SH2D6: variants seen among roughly 807,000 people sequenced by gnomAD.
SH2D6 encodes the protein SH2 domain containing 6.
SH2D6 carries 31 observed loss-of-function variants against 30.2 expected under a neutral mutation model. The ratio of observed to expected loss-of-function variants is 1.03; its 90% CI spans 0.77 to 1.38. The LOEUF (loss-of-function observed/expected upper bound fraction) is 1.38, where lower values mean the gene tolerates loss of function less well. Among genes scored for constraint, SH2D6 ranks in the 40% most tolerant of loss-of-function variants. SH2D6 has a pLI of 0.00. For synonymous variants in SH2D6, 93 were observed against 104.6 expected (o/e 0.89, Z 0.68); for missense variants, 240 against 266.8 (o/e 0.90, Z 0.70).
At chr2:85,419,777 C>T (rs1249465533) in intron 2 of SH2D6, among the ~76,000 whole-genome samples, 2 of 152,200 alleles carry the variant, frequency 1.3e-5, no homozygotes, top group Non-Finnish European at 2.9e-5. Flanking sequence ...TAGTTCGAGG[C>T]GAGCTACTTC....
At chr2:85,423,972 G>A (rs1466213125) in intron 5 of SH2D6, among the ~76,000 whole-genome samples, 1 of 152,222 alleles carries the variant, frequency 6.6e-6, no homozygotes, top group Non-Finnish European at 1.5e-5. Flanking sequence ...AATGTCCTGA[G>A]GACTCAAGGC....
intron 20 of SH2D6, 119 bp downstream of exon 20, chr2:85,435,242 C>T (rs1045136312): frequency 5.5e-5 from 69 of 1,261,678 alleles, no homozygotes; most frequent in East Asian, 7.2e-5. Flanking sequence ...ATTGAACACA[C>T]GTGTGCGGCA....
chr2:85,434,885 G>T (rs1261045807), intron 19 of SH2D6, 180 bp from the exon 20 acceptor site: 2 of 1,562,722 alleles, frequency 1.3e-6, no homozygotes, highest in Non-Finnish European at 1.7e-6. Flanking sequence ...GGCCTGGCTG[G>T]TGGGTCCTGC....
intron 15 of SH2D6, 53 bp from the exon 16 acceptor site, chr2:85,433,518 G>A (rs1401796789): frequency 2.1e-6 from 2 of 935,562 alleles, no homozygotes; most frequent in Non-Finnish European, 2.6e-6. Context: ...AGTCCTAAAT[G>A]GAGCCTCAGG....
chr2:85,434,356 C>T lies in SH2D6; in HGVS notation c.550C>T (p.Gln184Ter). 1 of 1,549,032 alleles carries T rather than the reference C, an allele frequency of 6.5e-7. No homozygotes were observed. Among genetic ancestry groups the T allele is most frequent in the Non-Finnish European group, 8.7e-7 (1 of 1,145,802 alleles). Residue 184 changes from glutamine to a stop codon, truncating the protein, a stop_gained, in exon 18 of 24, where the codon CAG (glutamine) becomes TAG (stop). Coordinates refer to ENST00000469800, the MANE Select transcript of SH2D6 (RefSeq NM_001394463.1). LOFTEE classifies it high-confidence loss of function. ...SVVPRPTTAP[Q>*]ETRNGTADAA... ...TTCCCACAGGCCTACCACAGCCCCC[C>T]AGGAAACTCGGAATGTAAGAGGCTG...
chr2:85,432,022 G>A (rs1688723540), intron 14 of SH2D6, 63 bp downstream of exon 14: 1 of 152,638 alleles, frequency 6.6e-6, no homozygotes, highest in South Asian at 2.1e-4. Flanking sequence ...CCCGCCACGG[G>A]GTAGAGCTGT....
Position 85,426,989 on chromosome 2 carries a change from G to A in SH2D6, c.-209+1582G>A, listed in dbSNP as rs1030180947. Among the ~76,000 whole-genome samples, 32 of 152,214 alleles carry A rather than the reference G, an allele frequency of 2.1e-4. 1 individual carries two copies. Among genetic ancestry groups the A allele is most frequent in the African/African-American group, 7.0e-4 (29 of 41,452 alleles). ...CCGCTGCAGAACTGATTGCTCACTGGGTGGTGGGGAGAACTGCCCACCCCG... is the reference window on the plus strand; with the variant it reads ...CCGCTGCAGAACTGATTGCTCACTGAGTGGTGGGGAGAACTGCCCACCCCG... On this transcript the variant is annotated intron_variant, in intron 6 of 23. Coordinates refer to ENST00000469800, the MANE Select transcript of SH2D6 (RefSeq NM_001394463.1).
chr2:85,434,150 G>T (rs1283214366), intron 17 of SH2D6, 39 bp downstream of exon 17: 2 of 1,540,800 alleles, frequency 1.3e-6, no homozygotes, highest in East Asian at 4.9e-5. Context: ...GTGTATGTAT[G>T]TGAGACACAG....
Position 85,434,473 on chromosome 2 carries a change from G to A in SH2D6, c.565G>A (p.Gly189Arg). ...PTTAPQETRN[G>R]TADAASKEGR... ...TCTGATCAGACCTCCTGTATGCCAG[G>A]GAACAGCAGATGCTGCCTCTAAAGG... The change falls in exon 19 of 24, where the codon GGA becomes AGA. Residue 189 changes from glycine (G) to arginine (R), a missense_variant and splice_region_variant. By Grantham distance (125) the Gly-to-Arg change is moderately radical (BLOSUM62 -2). Coordinates refer to ENST00000469800, the MANE Select transcript of SH2D6 (RefSeq NM_001394463.1). 2 of 1,550,496 alleles carry A rather than the reference G, an allele frequency of 1.3e-6. No homozygotes were observed. Among genetic ancestry groups the A allele is most frequent in the Non-Finnish European group, 1.7e-6 (2 of 1,146,986 alleles).
rs767115995 is a variant in SH2D6, at chr2:85,436,612, C to T, written c.*12+18C>T. On this transcript the variant is annotated intron_variant, in intron 23 of 23. Transcript: ENST00000469800. The stretch of plus-strand genomic sequence containing the variant: ...ACAGCGAAGTACACACCGCCTTTGG[C>T]CCCAGTTTGCTTCTTGTCCCGCCCC... 6.3e-7 allele frequency: 1 copy of T among 1,588,580 alleles called. No individual in the cohort carries two copies. Among genetic ancestry groups the T allele is most frequent in the East Asian group, 2.2e-5 (1 of 44,704 alleles).
chr2:85,431,068 A>T (rs1688567411), intron 12 of SH2D6, 142 bp from the exon 13 acceptor site: 1 of 152,366 alleles, frequency 6.6e-6, no homozygotes, highest in South Asian at 2.1e-4. Context: ...GTTGCCATGG[A>T]GACTGGGCTG....
chr2:85,434,253 G>A, intron 17 of SH2D6, 87 bp from the exon 18 acceptor site: 1 of 1,513,282 alleles, frequency 6.6e-7, no homozygotes, highest in African/African-American at 1.4e-5. Context: ...GTGGTGGCAG[G>A]GGCAGCTTGG....
rs1459973727 is a variant in SH2D6 at position 85,430,992 on chromosome 2, G to A, written c.251-218G>A. Among the ~76,000 whole-genome samples the A allele has an allele frequency of 4.6e-5, 7 of 151,242 alleles. No homozygotes were observed. The highest frequency in any genetic ancestry group is 2.1e-4 in the South Asian group (1 of 4,718). ...GGGTGCTGGGAGAGCCCCGGCTGCC[G>A]CTGGCATCCCACCCCCACTGCTCAG... On this transcript the variant is annotated intron_variant, in intron 12 of 23. Coordinates refer to ENST00000469800, the MANE Select transcript of SH2D6 (RefSeq NM_001394463.1). The surrounding 1 kb of genome is among the most constrained non-coding windows in gnomAD (Gnocchi z 4.3).
rs1295132542 is a variant in SH2D6 at position 85,434,376 on chromosome 2, A to C, written c.564+6A>C. 1.3e-6 allele frequency: 2 copies of C among 1,550,066 alleles called. No homozygotes were observed. Among genetic ancestry groups the C allele is most frequent in the Middle Eastern group, 1.7e-4 (1 of 5,990 alleles). On this transcript the variant is annotated splice_donor_region_variant and intron_variant, in intron 18 of 23. Transcript: ENST00000469800. ...CCCCCCAGGAAACTCGGAATGTAAG[A>C]GGCTGATGGTCAGGGGAGAAGAGAG...
intron 23 of SH2D6, 111 bp downstream of exon 23, chr2:85,436,705 C>A: frequency 2.4e-6 from 2 of 828,380 alleles, no homozygotes; most frequent in Non-Finnish European, 4.0e-6. Context: ...TGCCCACAAG[C>A]AGCATTAATG....
chr2:85,432,696 G>A (rs572931143), intron 14 of SH2D6, among the ~76,000 whole-genome samples: 8 of 152,168 alleles, frequency 5.3e-5, no homozygotes, highest in African/African-American at 9.6e-5. Context: ...CACCGCGCCC[G>A]GCCGAATTTT....
rs1573226088 is a variant in SH2D6, at chr2:85,430,820, G to C, written c.250+168G>C. On this transcript the variant is annotated intron_variant, in intron 12 of 23. Transcript: ENST00000469800. The surrounding 1 kb of genome is among the most constrained non-coding windows in gnomAD (Gnocchi z 4.3). ...AGGGCCTCTTGGCTGGGCAGGGAGA[G>C]AGAGAGGGATGAAGGAACGGAGGGA... Among the ~76,000 whole-genome samples the C allele has an allele frequency of 7.2e-6, 1 of 139,144 alleles. No homozygotes were observed. The highest frequency in any genetic ancestry group is 2.6e-5 in the African/African-American group (1 of 38,570). The allele number at this position is 139,144 out of a possible 152,430, so 91.3% of individuals were successfully genotyped here.
chr2:85,423,348 C>T lies in SH2D6; in HGVS notation c.-309+658C>T, dbSNP rs547056629. The stretch of plus-strand genomic sequence containing the variant: ...CCAGGTTCAAGTGATTCTCCTGTCT[C>T]AGCCTCCCGTGTAAGTGGGATTATA... On this transcript the variant is annotated intron_variant, in intron 5 of 23. Transcript: ENST00000469800. Among the ~76,000 whole-genome samples the T allele has an allele frequency of 2.6e-5, 4 of 152,304 alleles. No individual in the cohort carries two copies. The South Asian group carries it at 8.3e-4, about 32-fold the overall frequency.
intron 22 of SH2D6, 136 bp from the exon 23 acceptor site, chr2:85,436,330 C>T (rs943357342): frequency 2.4e-5 from 16 of 660,024 alleles, no homozygotes; most frequent in African/African-American, 1.1e-4. Context: ...GGCAGTGGAG[C>T]GGCATGGGGC....
Sources: gnomAD v4.1 joint callset for allele counts (sites outside exome capture counted in the v4.1 genomes callset) on GRCh38, gnomAD v4.1.1 for gene constraint, Gnocchi (gnomAD v3.1) non-coding constraint, MANE v1.5 for transcripts, NCBI Gene and HGNC (gene_info 2026-07-23, HGNC 2026-07-21) for gene names.